Variants in IFT80 observed in about 807,000 individuals in gnomAD.
IFT80 encodes the protein intraflagellar transport protein 80 homolog.
Under a neutral mutation model 107.9 loss-of-function variants are expected in IFT80, and 79 were observed. That is an observed-to-expected ratio of 0.73 (90% confidence interval 0.61 to 0.88). IFT80 has a LOEUF of 0.88. IFT80 is among the 40% of genes least tolerant of loss of function. The probability of loss-of-function intolerance (pLI) is 0.00; values close to 1 mark genes in which losing one functional copy is unlikely to be tolerated. For missense variants in IFT80, 797 were observed against 914.2 expected (o/e 0.87, Z 1.65); for synonymous variants, 299 against 300.9 (o/e 0.99, Z 0.07).
chr3:160,358,316 C>A (rs1294867556), intron 6 of IFT80, among the ~76,000 whole-genome samples: 1 of 150,862 alleles, frequency 6.6e-6, no homozygotes, highest in Non-Finnish European at 1.5e-5. Flanking sequence ...TTCAGCCCCC[C>A]TCAACCATTT....
rs1720429253 is a variant in IFT80, at chr3:160,348,115, T to C, written c.777+7898A>G. ...TATTGGGTAAAATATATCATTTTAT[T>C]TATTTACTTCTTTATTTTATATTTA... On this transcript the variant is annotated intron_variant, in intron 8 of 19. Transcript: ENST00000326448. Among the ~76,000 whole-genome samples the C allele has an allele frequency of 2.6e-5, 4 of 152,304 alleles. No homozygotes were observed. In the South Asian group the frequency reaches 8.3e-4, roughly 32 times the overall value.
chr3:160,388,097 G>A (rs986726095), intron 1 of IFT80, among the ~76,000 whole-genome samples: 1 of 152,268 alleles, frequency 6.6e-6, no homozygotes, highest in East Asian at 1.9e-4. Context: ...AATAGTAGTA[G>A]AGATAAGGAC....
chr3:160,332,276 T>G (rs1719141254), intron 8 of IFT80, among the ~76,000 whole-genome samples: 1 of 152,090 alleles, frequency 6.6e-6, no homozygotes, highest in Admixed American at 6.6e-5. Flanking sequence ...TAGATCTAAG[T>G]GAGAAGGCAG....
intron 12 of IFT80, among the ~76,000 whole-genome samples, chr3:160,299,993 T>C (rs1716292245): frequency 1.3e-5 from 2 of 152,130 alleles, no homozygotes; most frequent in South Asian, 4.1e-4. Context: ...TGTTGTCCTC[T>C]CCTCCCACTC....
At chr3:160,341,439 A>G (rs988545534) in intron 8 of IFT80, among the ~76,000 whole-genome samples, 1 of 152,144 alleles carries the variant, frequency 6.6e-6, no homozygotes, top group Non-Finnish European at 1.5e-5. Context: ...ATTATTAAAG[A>G]TATCCAAAAG....
intron 8 of IFT80, among the ~76,000 whole-genome samples, chr3:160,324,488 T>C (rs1205834598): frequency 6.6e-6 from 1 of 152,060 alleles, no homozygotes; most frequent in Non-Finnish European, 1.5e-5. Context: ...CGCAAATCAA[T>C]AAATGTAATC....
rs552224973 is a variant in IFT80 at position 160,362,572 on chromosome 3, A to G, written c.549+3471T>C. ...CCTGGCAGAGACACAACCAAAGAAG[A>G]GAATTTTAGACCAATATCCCTGATG... On this transcript the variant is annotated intron_variant, in intron 6 of 19. Coordinates refer to ENST00000326448, the MANE Select transcript of IFT80 (RefSeq NM_020800.3). Among the ~76,000 whole-genome samples, 18 of 152,338 alleles carry G rather than the reference A, an allele frequency of 1.2e-4. No individual in the cohort carries two copies. In the South Asian group the frequency reaches 3.5e-3, roughly 30 times the overall value.
chr3:160,298,034 T>C (rs899911963), intron 12 of IFT80, among the ~76,000 whole-genome samples: 1 of 152,168 alleles, frequency 6.6e-6, no homozygotes, highest in Non-Finnish European at 1.5e-5. Context: ...ATAGCATATC[T>C]GTGCAAAGTG....
chr3:160,307,499 C>T lies in IFT80; in HGVS notation c.1076+164G>A, dbSNP rs6790951. Among the ~76,000 whole-genome samples the T allele has an allele frequency of 0.4, 60,483 of 151,998 alleles. 12,924 individuals carry two copies. The highest frequency in any genetic ancestry group is 0.49 in the Non-Finnish European group (32,994 of 67,966). On this transcript the variant is annotated intron_variant, in intron 10 of 19. Coordinates refer to ENST00000326448, the MANE Select transcript of IFT80 (RefSeq NM_020800.3). ...CCTCGTTAGATCTATTTTCACTGCT[C>T]TAAGTTCACTTTCTCTCACTTCCGG...
At chr3:160,275,882 A>C (rs1714224706) in intron 18 of IFT80, among the ~76,000 whole-genome samples, 1 of 152,206 alleles carries the variant, frequency 6.6e-6, no homozygotes, top group Admixed American at 6.5e-5. Flanking sequence ...ATTATGAATA[A>C]ATTCAGGACA....
At position 160,328,697 on chromosome 3, in the gene IFT80, G is replaced by A. The variant is rs116820008; in HGVS notation, c.778-8758C>T. Among the ~76,000 whole-genome samples the A allele has an allele frequency of 4.5e-3, 677 of 152,032 alleles. 7 individuals are homozygous for A. Among genetic ancestry groups the A allele is most frequent in the African/African-American group, 0.016 (652 of 41,468 alleles). ...ATTATAAAGACACATGCAGCTATATGTTCATTACAGTACAATAACAAAGAC... is the reference window on the plus strand; with the variant it reads ...ATTATAAAGACACATGCAGCTATATATTCATTACAGTACAATAACAAAGAC... On this transcript the variant is annotated intron_variant, in intron 8 of 19. Transcript: ENST00000326448.
At chr3:160,367,731 C>T (rs755512643) in intron 5 of IFT80, among the ~76,000 whole-genome samples, 15 of 151,978 alleles carry the variant, frequency 9.9e-5, no homozygotes, top group Admixed American at 2.6e-4. Flanking sequence ...AATTTAGAGA[C>T]GGTATTTTTA....
Position 160,314,035 on chromosome 3 carries a change from A to G in IFT80, c.957+5725T>C, listed in dbSNP as rs139420424. ...CAATATTTAGACTCCTCAGATTGAC[A>G]TAAGTCTAAACATTCTGTTTGCACA... is the stretch of plus-strand genomic sequence containing the variant. On this transcript the variant is annotated intron_variant, in intron 9 of 19. Coordinates refer to ENST00000326448, the MANE Select transcript of IFT80 (RefSeq NM_020800.3). 3.9e-3 allele frequency among the ~76,000 whole-genome samples: 599 copies of G among 152,342 alleles called. 2 individuals are homozygous for G. The highest frequency in any genetic ancestry group is 0.024 in the East Asian group (125 of 5,186).
At chr3:160,263,834 G>T (rs551623328) in intron 19 of IFT80, among the ~76,000 whole-genome samples, 1 of 151,800 alleles carries the variant, frequency 6.6e-6, no homozygotes, top group South Asian at 2.1e-4. Flanking sequence ...ATGCCACCAC[G>T]CCTGCTAATT....
chr3:160,322,747 A>T (rs980529232), intron 8 of IFT80, among the ~76,000 whole-genome samples: 1 of 152,118 alleles, frequency 6.6e-6, no homozygotes, highest in African/African-American at 2.4e-5. Flanking sequence ...GTGAGATGGT[A>T]TCTCATTGTG....
Position 160,280,449 on chromosome 3 carries a change from A to G in IFT80, c.1664+218T>C, listed in dbSNP as rs183186695. Among the ~76,000 whole-genome samples the G allele has an allele frequency of 5.9e-5, 9 of 152,310 alleles. No homozygotes were observed. In the East Asian group the frequency reaches 1.7e-3, roughly 29 times the overall value. On this transcript the variant is annotated intron_variant, in intron 15 of 19. Transcript: ENST00000326448. ...ACACAATATTAAGCTTGAAAATTAT[A>G]TTCATATAAGGGACAAATAAATAAT...
At chr3:160,279,386 T>C in intron 15 of IFT80, 22 bp from the exon 16 acceptor site, 3 of 1,604,468 alleles carry the variant, frequency 1.9e-6, no homozygotes, top group Non-Finnish European at 2.6e-6. Flanking sequence ...AAAAGCAAAG[T>C]ACAATTTAAA....
At chr3:160,325,689 C>T (rs945819466) in intron 8 of IFT80, among the ~76,000 whole-genome samples, 1 of 151,982 alleles carries the variant, frequency 6.6e-6, no homozygotes, top group Non-Finnish European at 1.5e-5. Context: ...GAGAATGAGA[C>T]CCAAATCTAA....
Position 160,384,381 on chromosome 3 carries a change from C to T in IFT80, c.37+183G>A, listed in dbSNP as rs116687678. ...ATTTTAAAATAAGATTTATAGCAAA[C>T]GGTTCACTTTGGAGAATTACTTACA... On this transcript the variant is annotated intron_variant, in intron 2 of 19. Transcript: ENST00000326448. 2,304 of 1,225,518 alleles carry T rather than the reference C, an allele frequency of 1.9e-3. 42 individuals are homozygous for T. In the African/African-American group the frequency reaches 0.031, roughly 17 times the overall value. 75.9% of individuals were successfully genotyped at this position (1,225,518 alleles called of 1,614,324 possible). A position where few individuals can be genotyped will look rare whatever the true frequency, so the allele number is the denominator to read the frequency against.
Sources: allele counts gnomAD v4.1 joint callset (sites outside exome capture counted in the v4.1 genomes callset), GRCh38; gene constraint gnomAD v4.1.1; transcripts MANE v1.5; gene names NCBI Gene and HGNC (gene_info 2026-07-23, HGNC 2026-07-21).